NAV2: variants seen among roughly 807,000 people sequenced by gnomAD.
NAV2 encodes helicase, APC down-regulated 1.
Under a neutral mutation model 223.2 loss-of-function variants are expected in NAV2, and 54 were observed. The ratio of observed to expected loss-of-function variants is 0.24; its 90% CI spans 0.19 to 0.30. The LOEUF (loss-of-function observed/expected upper bound fraction) is 0.30. NAV2 is among the 10% of genes least tolerant of loss of function. The pLI is 1.00. For synonymous variants in NAV2, 1,279 were observed against 1,239.3 expected (o/e 1.03, Z -0.67); for missense variants, 2,806 against 3,147.5 (o/e 0.89, Z 2.60).
intron 1 of NAV2, among the ~76,000 whole-genome samples, chr11:19,682,140 C>T (rs2090683373): frequency 6.6e-6 from 1 of 152,084 alleles, no homozygotes; most frequent in Non-Finnish European, 1.5e-5. Context: ...ATACTCACCC[C>T]ATGGTACACC....
rs962835451 is a variant in NAV2, at chr11:20,103,513, G to A, written c.6572+104G>A. On this transcript the variant is annotated intron_variant, in intron 33 of 37. Transcript: ENST00000349880. ...CCGGGGCCGTTGTGGGAGTGAAGCT[G>A]TGCACACGCATAGGGTTGGGAGTGG... The A allele has an allele frequency of 2.0e-6, 3 of 1,501,214 alleles. No individual in the cohort carries two copies. In the African/African-American group the frequency reaches 4.1e-5, roughly 21 times the overall value. The allele number at this position is 1,501,214 out of a possible 1,614,324, so 93.0% of individuals were successfully genotyped here. A position where few individuals can be genotyped will look rare whatever the true frequency, so the allele number is the denominator to read the frequency against.
intron 1 of NAV2, among the ~76,000 whole-genome samples, chr11:19,499,541 G>A (rs2042899715): frequency 1.3e-5 from 2 of 152,218 alleles, no homozygotes; most frequent in African/African-American, 4.8e-5. Flanking sequence ...CTTCCAGAGT[G>A]TAGCAGAATG....
intron 1 of NAV2, among the ~76,000 whole-genome samples, chr11:19,793,025 A>C (rs978835209): frequency 6.6e-6 from 1 of 151,926 alleles, no homozygotes; most frequent in Admixed American, 6.6e-5. Context: ...CCTGGCCAAC[A>C]TGGCGAAACC....
upstream of NAV2, among the ~76,000 whole-genome samples, chr11:19,350,321 T>A (rs1178608703): frequency 6.6e-6 from 1 of 152,122 alleles, no homozygotes; most frequent in Non-Finnish European, 1.5e-5. Flanking sequence ...ACAGCTCAAA[T>A]CTGTACTTTT....
chr11:19,471,737 A>C (rs11820210), intron 1 of NAV2, among the ~76,000 whole-genome samples: 45,369 of 152,140 alleles, frequency 0.3, 6,807 homozygotes, highest in East Asian at 0.33. Flanking sequence ...AGTATGAAGA[A>C]GGCAGTGCTT....
At chr11:19,523,242 G>A (rs1205749639) in intron 1 of NAV2, among the ~76,000 whole-genome samples, 6 of 152,132 alleles carry the variant, frequency 3.9e-5, no homozygotes, top group Non-Finnish European at 4.4e-5. Context: ...CCTCCTGCCC[G>A]GTCCTCCTGT....
intron 1 of NAV2, among the ~76,000 whole-genome samples, chr11:19,566,912 C>T (rs905985760): frequency 1.4e-4 from 22 of 152,184 alleles, no homozygotes; most frequent in Non-Finnish European, 4.4e-5. Flanking sequence ...AAAGAATCTT[C>T]CATATATTAT....
chr11:19,750,945 C>A (rs2053752885), intron 1 of NAV2, among the ~76,000 whole-genome samples: 1 of 152,144 alleles, frequency 6.6e-6, no homozygotes, highest in African/African-American at 2.4e-5. Flanking sequence ...AGATGAAATC[C>A]ATTTTGCAGA....
intron 1 of NAV2, among the ~76,000 whole-genome samples, chr11:19,509,678 C>T (rs966453961): frequency 2.0e-5 from 3 of 152,144 alleles, no homozygotes; most frequent in Admixed American, 6.5e-5. Context: ...AATTGTTTGC[C>T]CCACCTTCTC....
At chr11:19,502,816 G>A (rs1218587985) in intron 1 of NAV2, 3 of 152,172 alleles carry the variant, frequency 2.0e-5, no homozygotes, top group African/African-American at 7.2e-5. Context: ...TTAGCATGGT[G>A]GCTTCAGAGT....
At chr11:19,644,997 G>A (rs75735407) in intron 1 of NAV2, among the ~76,000 whole-genome samples, 2,255 of 152,300 alleles carry the variant, frequency 0.015, 56 homozygotes, top group African/African-American at 0.051. Context: ...GGACGTATTA[G>A]TTTTCTTTTT....
At chr11:20,063,877 C>A (rs1245888935) in intron 20 of NAV2, among the ~76,000 whole-genome samples, 2 of 152,098 alleles carry the variant, frequency 1.3e-5, no homozygotes, top group Non-Finnish European at 2.9e-5. Context: ...TAAGAGGACA[C>A]CCCAGAATCA....
chr11:19,670,746 T>C (rs1166765101), intron 1 of NAV2, among the ~76,000 whole-genome samples: 5 of 152,172 alleles, frequency 3.3e-5, no homozygotes, highest in African/African-American at 1.2e-4. Context: ...AGCAGCCAAT[T>C]AGGTGATGCT....
At chr11:19,481,224 G>T (rs2042270217) in intron 1 of NAV2, among the ~76,000 whole-genome samples, 1 of 152,100 alleles carries the variant, frequency 6.6e-6, no homozygotes, top group Non-Finnish European at 1.5e-5. Context: ...AGGGACAATG[G>T]TGGCTTCTGG....
chr11:19,934,574 G>C (rs1045853350), intron 7 of NAV2, among the ~76,000 whole-genome samples: 5 of 152,154 alleles, frequency 3.3e-5, no homozygotes, highest in African/African-American at 9.7e-5. Context: ...CAGCTTCCCT[G>C]AGCAGAAAGC....
chr11:19,936,109 TC>T (rs2045882225), intron 7 of NAV2, among the ~76,000 whole-genome samples: 1 of 151,332 alleles, frequency 6.6e-6, no homozygotes, highest in African/African-American at 2.4e-5. Flanking sequence ...GCTCAGGCAG[TC>T]CACCCTCCTC....
chr11:19,848,569 C>T (rs78669617), intron 3 of NAV2, among the ~76,000 whole-genome samples: 189 of 152,256 alleles, frequency 1.2e-3, no homozygotes, highest in African/African-American at 4.2e-3. Context: ...CCAGGTGTGT[C>T]CCTTAGTCTC....
intron 1 of NAV2, among the ~76,000 whole-genome samples, chr11:19,745,961 G>A (rs574735686): frequency 3.3e-5 from 5 of 152,294 alleles, no homozygotes; most frequent in South Asian, 2.1e-4. Context: ...AGGGCTGACC[G>A]TATTTACTAA....
At chr11:19,943,012 G>T (rs1010014438) in intron 8 of NAV2, among the ~76,000 whole-genome samples, 1 of 152,170 alleles carries the variant, frequency 6.6e-6, no homozygotes, top group Non-Finnish European at 1.5e-5. Context: ...ATTTCTAACG[G>T]AGGGTTAAGA....
Sources: gnomAD v4.1 joint callset for allele counts (sites outside exome capture counted in the v4.1 genomes callset) on GRCh38, gnomAD v4.1.1 for gene constraint, MANE v1.5 for transcripts, NCBI Gene and HGNC (gene_info 2026-07-23, HGNC 2026-07-21) for gene names.